The following PRELID2 variants were observed in gnomAD, a reference collection of about 807,000 sequenced individuals.
PRELID2 encodes the protein PRELI domain containing 2, also known as PRELI domain-containing protein 2.
In PRELID2, 25 loss-of-function variants were observed where a neutral mutation model predicts 28.4. That is an observed-to-expected ratio of 0.88 (90% CI 0.64 to 1.23). PRELID2 has a LOEUF of 1.23. Ranked by LOEUF, PRELID2 falls within the 50% of genes most tolerant of loss-of-function variation. The pLI, the probability that PRELID2 is intolerant of heterozygous loss-of-function variation, is 0.00. For missense variants in PRELID2, 201 were observed against 214.4 expected (o/e 0.94, Z 0.39); for synonymous variants, 76 against 71.6 (o/e 1.06, Z -0.31).
At chr5:145,691,533 G>A (rs1333075269) in intron 1 of PRELID2, among the ~76,000 whole-genome samples, 5 of 152,062 alleles carry the variant, frequency 3.3e-5, no homozygotes, top group Non-Finnish European at 7.4e-5. Flanking sequence ...GTGAAACCCG[G>A]TCTCTACTAA....
At chr5:145,281,271 A>G in the PRELID2 span, among the ~76,000 whole-genome samples, 1 of 152,310 alleles carries the variant, frequency 6.6e-6, no homozygotes, top group Non-Finnish European at 1.5e-5. Context: ...AACTAGATCA[A>G]CTGTTTATCT....
chr5:145,676,220 CAAAA>C (rs34833967), intron 1 of PRELID2, among the ~76,000 whole-genome samples: 1 of 53,600 alleles, frequency 1.9e-5, no homozygotes. Flanking sequence ...AACTCCATCT[CAAAA>C]AAAAAAAAAA....
At chr5:145,712,410 AGTTT>A (rs1345920045) in intron 1 of PRELID2, among the ~76,000 whole-genome samples, 3 of 152,182 alleles carry the variant, frequency 2.0e-5, no homozygotes, top group African/African-American at 7.2e-5. Flanking sequence ...TCATGTTGAT[AGTTT>A]GAAATTGGCA....
At chr5:145,336,637 C>T in the PRELID2 span, among the ~76,000 whole-genome samples, 1 of 152,038 alleles carries the variant, frequency 6.6e-6, no homozygotes. Flanking sequence ...ATCTATGTCT[C>T]TGTTGCTATA....
intron 4 of PRELID2, among the ~76,000 whole-genome samples, chr5:145,796,874 C>T (rs1042901030): frequency 2.6e-5 from 4 of 152,070 alleles, no homozygotes; most frequent in Admixed American, 2.6e-4. Context: ...AAAATGGGAA[C>T]GACCATAGTA....
the PRELID2 span, among the ~76,000 whole-genome samples, chr5:145,413,125 C>T: frequency 1.3e-5 from 2 of 152,002 alleles, no homozygotes; most frequent in East Asian, 1.9e-4. Flanking sequence ...CCACAAAGAA[C>T]TCAAACAAAT....
intron 1 of PRELID2, among the ~76,000 whole-genome samples, chr5:145,507,486 T>G (rs1472332236): frequency 2.0e-5 from 3 of 152,166 alleles, no homozygotes; most frequent in Non-Finnish European, 4.4e-5. Flanking sequence ...AGTCTCTTAA[T>G]GGATGATTCA....
chr5:145,369,960 G>GT, the PRELID2 span, among the ~76,000 whole-genome samples: 33,494 of 147,598 alleles, frequency 0.23, 4,003 homozygotes, highest in South Asian at 0.34. Context: ...GTTTTAATGG[G>GT]TTTTTTTTTT....
At chr5:145,807,981 T>C (rs1753634800) in intron 4 of PRELID2, among the ~76,000 whole-genome samples, 1 of 152,146 alleles carries the variant, frequency 6.6e-6, no homozygotes. Flanking sequence ...GGCAGTCTTA[T>C]TAAGCCAAAA....
the PRELID2 span, among the ~76,000 whole-genome samples, chr5:145,299,352 A>G: frequency 2.6e-5 from 4 of 152,154 alleles, no homozygotes; most frequent in African/African-American, 7.2e-5. Flanking sequence ...GAATAAAAAT[A>G]AGATCCACAT....
the PRELID2 span, among the ~76,000 whole-genome samples, chr5:145,436,551 G>A: frequency 6.6e-6 from 1 of 152,112 alleles, no homozygotes; most frequent in Admixed American, 6.5e-5. Flanking sequence ...CACCAGCAGT[G>A]TATAAGCATT....
At chr5:145,660,854 C>T (rs28368285) in intron 1 of PRELID2, among the ~76,000 whole-genome samples, 13,443 of 152,106 alleles carry the variant, frequency 0.088, 1,600 homozygotes, top group African/African-American at 0.27. Context: ...TGGGAAAAAG[C>T]GGTATTTCTA....
the PRELID2 span, among the ~76,000 whole-genome samples, chr5:145,325,468 A>G: frequency 6.6e-6 from 1 of 152,210 alleles, no homozygotes; most frequent in Non-Finnish European, 1.5e-5. Flanking sequence ...ATTTTATTTT[A>G]TTCAATTACA....
chr5:145,413,004 ACCTGT>A, the PRELID2 span, among the ~76,000 whole-genome samples: 3 of 152,126 alleles, frequency 2.0e-5, no homozygotes, highest in African/African-American at 2.4e-5. Flanking sequence ...AATTATCTTG[ACCTGT>A]CCCCCCTTGA....
the PRELID2 span, among the ~76,000 whole-genome samples, chr5:145,320,222 G>T: frequency 1.3e-5 from 2 of 151,578 alleles, no homozygotes; most frequent in Non-Finnish European, 2.9e-5. Context: ...CTTGCACTTG[G>T]CATTTCCTGC....
At chr5:145,701,992 G>T (rs1755418247) in intron 1 of PRELID2, among the ~76,000 whole-genome samples, 1 of 151,918 alleles carries the variant, frequency 6.6e-6, no homozygotes, top group African/African-American at 2.4e-5. Flanking sequence ...TGGAGGTTGT[G>T]GTGAGCTGAG....
chr5:145,770,481 G>A (rs970930732), intron 5 of PRELID2, among the ~76,000 whole-genome samples: 18 of 152,160 alleles, frequency 1.2e-4, no homozygotes, highest in African/African-American at 4.1e-4. Flanking sequence ...TACAGCCTGG[G>A]CAACAAAGTG....
At chr5:145,389,802 A>T in the PRELID2 span, among the ~76,000 whole-genome samples, 30 of 152,312 alleles carry the variant, frequency 2.0e-4, no homozygotes, top group African/African-American at 6.5e-4. Context: ...AAGGTGGTAT[A>T]CGAACAATAC....
intron 4 of PRELID2, among the ~76,000 whole-genome samples, chr5:145,799,613 C>G (rs779432694): frequency 2.6e-5 from 4 of 152,092 alleles, no homozygotes; most frequent in African/African-American, 9.7e-5. Flanking sequence ...GTCTGAGGAG[C>G]CACAAGTTAT....
Sources: allele counts gnomAD v4.1 joint callset (sites outside exome capture counted in the v4.1 genomes callset), GRCh38; gene constraint gnomAD v4.1.1; transcripts MANE v1.5; gene names NCBI Gene and HGNC (gene_info 2026-07-23, HGNC 2026-07-21).